The following DLGAP4 variants were observed in gnomAD, a reference collection of about 807,000 sequenced individuals.
The protein encoded by DLGAP4 is DLG associated protein 4.
Under a neutral mutation model 86.9 loss-of-function variants are expected in DLGAP4, and 18 were observed. The ratio of observed to expected loss-of-function variants is 0.21; its 90% CI spans 0.14 to 0.31. The LOEUF is 0.31. Ranked by LOEUF, DLGAP4 falls within the 10% of genes least tolerant of loss-of-function variation. The pLI is 1.00. For missense variants in DLGAP4, 1,085 were observed against 1,362.6 expected (o/e 0.80, Z 3.21); for synonymous variants, 548 against 574.3 (o/e 0.95, Z 0.65).
intron 7 of DLGAP4, among the ~76,000 whole-genome samples, 182 bp from the exon 8 acceptor site, chr20:36,496,523 G>T (rs1029738379): frequency 6.6e-6 from 1 of 152,224 alleles, no homozygotes; most frequent in Admixed American, 6.5e-5. Flanking sequence ...GCCTGTGTGT[G>T]TCTGTCTTGG....
At chr20:36,323,806 C>T (rs1203108883) in intron 1 of DLGAP4, among the ~76,000 whole-genome samples, 2 of 152,228 alleles carry the variant, frequency 1.3e-5, no homozygotes, top group Non-Finnish European at 2.9e-5. Flanking sequence ...AGATCCCCCG[C>T]ATGCGTAGTT....
intron 1 of DLGAP4, among the ~76,000 whole-genome samples, chr20:36,309,441 G>A (rs1367990561): frequency 5.9e-5 from 9 of 152,190 alleles, no homozygotes; most frequent in Non-Finnish European, 1.3e-4. Flanking sequence ...CTGGGCTCTG[G>A]GGAATGGGGG....
intron 2 of DLGAP4, among the ~76,000 whole-genome samples, chr20:36,413,413 CTTTTTTTTT>C (rs71184094): frequency 1.4e-5 from 1 of 71,010 alleles, no homozygotes; most frequent in Non-Finnish European, 2.5e-5. Flanking sequence ...TTGTTCTGGA[CTTTTTTTTT>C]TTTTTTTTTT....
At chr20:36,388,546 G>A (rs1013016240) in intron 2 of DLGAP4, among the ~76,000 whole-genome samples, 4 of 152,112 alleles carry the variant, frequency 2.6e-5, no homozygotes, top group East Asian at 3.9e-4. Flanking sequence ...TCTGATGTGC[G>A]TCAAAGACTT....
At chr20:36,326,885 C>T (rs2065220345) in intron 1 of DLGAP4, among the ~76,000 whole-genome samples, 1 of 151,388 alleles carries the variant, frequency 6.6e-6, no homozygotes, top group Admixed American at 6.6e-5. Context: ...TAAAGTTGTT[C>T]CACTGTCTTC....
chr20:36,325,606 TTA>T (rs1222188357), intron 1 of DLGAP4, among the ~76,000 whole-genome samples: 1 of 152,248 alleles, frequency 6.6e-6, no homozygotes, highest in Non-Finnish European at 1.5e-5. Flanking sequence ...ACTTTTTGCT[TTA>T]TGTATTTTAA....
At chr20:36,353,149 AG>A (rs1361514221) in intron 1 of DLGAP4, among the ~76,000 whole-genome samples, 3 of 152,088 alleles carry the variant, frequency 2.0e-5, no homozygotes, top group Admixed American at 6.5e-5. Flanking sequence ...AATGGGGAGA[AG>A]GGGTGGCCAG....
In DLGAP4 at chr20:36,524,488, G is replaced by C. The variant is rs537930912; in HGVS notation, c.2604+147G>C. On this transcript the variant is annotated intron_variant, in intron 11 of 12. Coordinates refer to ENST00000339266, the MANE Select transcript of DLGAP4 (RefSeq NM_001365621.2). ...GGTGCTGGAAGGACAGTGGCAATGT[G>C]TGTCAGTGTCTAGCACAAGAAAGGG... 1.9e-4 allele frequency: 126 copies of C among 653,246 alleles called. No individual in the cohort carries two copies. In the African/African-American group the frequency reaches 2.2e-3, roughly 11 times the overall value. The allele number at this position is 653,246 out of a possible 1,614,324, so 40.5% of individuals were successfully genotyped here.
At chr20:36,522,632 T>C (rs2037447476) in intron 10 of DLGAP4, among the ~76,000 whole-genome samples, 1 of 152,270 alleles carries the variant, frequency 6.6e-6, no homozygotes, top group African/African-American at 2.4e-5. Flanking sequence ...GATTCTCCTA[T>C]CTCAGCCTCC....
chr20:36,314,181 G>A (rs1051228909), intron 1 of DLGAP4, among the ~76,000 whole-genome samples: 1 of 151,640 alleles, frequency 6.6e-6, no homozygotes, highest in Non-Finnish European at 1.5e-5. Context: ...GCGGCCTGGG[G>A]GTGTCGACTA....
At position 36,511,103 on chromosome 20, in the gene DLGAP4, A is replaced by C. The variant is rs1369772906; in HGVS notation, c.2512+10492A>C. 2.0e-5 allele frequency: 3 copies of C among 152,232 alleles called. No homozygotes were observed. The East Asian group carries it at 5.8e-4, about 29-fold the overall frequency. The allele number at this position is 152,232 out of a possible 1,614,324, so 9.4% of individuals were successfully genotyped here. A position where few individuals can be genotyped will look rare whatever the true frequency, so the allele number is the denominator to read the frequency against. ...ACTAAAATATTGAATCTTCTCAACT[A>C]TAAGTCAACTTTATCACTCCATTTA... On this transcript the variant is annotated intron_variant, in intron 10 of 12. Transcript: ENST00000339266.
intron 1 of DLGAP4, among the ~76,000 whole-genome samples, chr20:36,341,513 C>A (rs11906739): frequency 1.3e-5 from 2 of 152,258 alleles, no homozygotes; most frequent in Non-Finnish European, 2.9e-5. Flanking sequence ...CCTCCGAAAG[C>A]CTTTGTTCCC....
At chr20:36,483,458 C>A (rs6022101) in intron 7 of DLGAP4, among the ~76,000 whole-genome samples, 10,172 of 152,216 alleles carry the variant, frequency 0.067, 1,189 homozygotes, top group African/African-American at 0.23. Flanking sequence ...ATCCTCAGCT[C>A]ATGCATTTGC....
intron 7 of DLGAP4, among the ~76,000 whole-genome samples, chr20:36,487,421 A>C (rs531209360): frequency 6.6e-6 from 1 of 152,340 alleles, no homozygotes; most frequent in South Asian, 2.1e-4. Context: ...ATGGGCAGGA[A>C]GAAGGTGCCT....
chr20:36,346,827 C>T (rs782787534), intron 1 of DLGAP4, among the ~76,000 whole-genome samples: 1 of 152,128 alleles, frequency 6.6e-6, no homozygotes, highest in Non-Finnish European at 1.5e-5. Flanking sequence ...CAATCTGTTT[C>T]TTATGAAGTG....
At chr20:36,509,593 A>C (rs1276825090) in intron 10 of DLGAP4, among the ~76,000 whole-genome samples, 1 of 151,966 alleles carries the variant, frequency 6.6e-6, no homozygotes, top group Non-Finnish European at 1.5e-5. Flanking sequence ...AATAATAATA[A>C]TAATAAATTA....
chr20:36,326,278 C>T (rs1339294105), intron 1 of DLGAP4, among the ~76,000 whole-genome samples: 11 of 152,136 alleles, frequency 7.2e-5, no homozygotes, highest in Non-Finnish European at 1.6e-4. Context: ...TCTATTTGCC[C>T]TATCTATTCT....
intron 2 of DLGAP4, among the ~76,000 whole-genome samples, chr20:36,392,314 G>A (rs1667557434): frequency 6.6e-6 from 1 of 152,202 alleles, no homozygotes; most frequent in African/African-American, 2.4e-5. Flanking sequence ...CAGCCAGGAG[G>A]GGTTAGAGCC....
intron 10 of DLGAP4, among the ~76,000 whole-genome samples, chr20:36,523,528 T>C (rs1033946602): frequency 2.6e-5 from 4 of 152,224 alleles, no homozygotes; most frequent in African/African-American, 7.2e-5. Flanking sequence ...TTATTTAATC[T>C]CTGGAACGGA....
Sources: allele counts gnomAD v4.1 joint callset (sites outside exome capture counted in the v4.1 genomes callset), GRCh38; gene constraint gnomAD v4.1.1; transcripts MANE v1.5; gene names NCBI Gene and HGNC (gene_info 2026-07-23, HGNC 2026-07-21).